The following SYCP1 variants were observed in gnomAD, a reference collection of about 807,000 sequenced individuals.
SYCP1 encodes cancer/testis antigen 8.
In SYCP1, 64 loss-of-function variants were observed where a neutral mutation model predicts 153.1. That is an observed-to-expected ratio of 0.42 (90% CI 0.34 to 0.51). The LOEUF is 0.51. Among genes scored for constraint, SYCP1 ranks in the 20% least tolerant of loss-of-function variants. The probability of loss-of-function intolerance (pLI) is 0.06; values close to 1 mark genes in which losing one functional copy is unlikely to be tolerated. For missense variants in SYCP1, 997 were observed against 1,049.0 expected (o/e 0.95, Z 0.68); for synonymous variants, 384 against 341.8 (o/e 1.12, Z -1.36).
intron 27 of SYCP1, among the ~76,000 whole-genome samples, chr1:114,967,101 T>C (rs1270286613): frequency 1.3e-5 from 2 of 152,202 alleles, no homozygotes; most frequent in East Asian, 3.8e-4. Flanking sequence ...CAATTATGTG[T>C]TCAATTTTAG....
At chr1:114,926,467 T>A (rs1255119280) in intron 22 of SYCP1, 34 bp from the exon 23 acceptor site, 3 of 1,517,164 alleles carry the variant, frequency 2.0e-6, no homozygotes, top group Non-Finnish European at 2.7e-6. Context: ...TGAATAACTT[T>A]AGTACTAAAT....
chr1:114,901,914 A>G (rs1285670626), intron 16 of SYCP1, among the ~76,000 whole-genome samples: 2 of 152,220 alleles, frequency 1.3e-5, no homozygotes, highest in Non-Finnish European at 2.9e-5. Flanking sequence ...CAGGGTGAAG[A>G]GAAAAGGATG....
chr1:114,913,193 A>AGG, intron 19 of SYCP1, 43 bp downstream of exon 19: 1 of 1,502,668 alleles, frequency 6.7e-7, no homozygotes. Flanking sequence ...TTTTCTTCCA[A>AGG]TTAGCAGGTT....
At chr1:114,947,853 C>G (rs960107703) in intron 27 of SYCP1, among the ~76,000 whole-genome samples, 4 of 143,718 alleles carry the variant, frequency 2.8e-5, no homozygotes, top group East Asian at 2.1e-4. Flanking sequence ...GAAAAGGAAC[C>G]CTTTTTTTTC....
intron 27 of SYCP1, among the ~76,000 whole-genome samples, chr1:114,958,658 T>A (rs1374884011): frequency 6.6e-6 from 1 of 151,062 alleles, no homozygotes. Context: ...CGGTGGCCCA[T>A]GCCTGTAATC....
Position 114,911,510 on chromosome 1 carries a change from C to A in SYCP1, c.1457C>A (p.Thr486Asn). 6.4e-7 allele frequency: 1 copy of A among 1,558,022 alleles called. No individual in the cohort carries two copies. Among genetic ancestry groups the A allele is most frequent in the Non-Finnish European group, 8.6e-7 (1 of 1,157,606 alleles). ...KEVHDLEIQL[T>N]AITTSEQYYS... Reference sequence around the variant, plus strand: ...GTACATGATTTGGAAATACAGTTAACTGCCATTACCACAAGTGAACAGTAT... The same window carrying A: ...GTACATGATTTGGAAATACAGTTAAATGCCATTACCACAAGTGAACAGTAT... Residue 486 changes from threonine (T) to asparagine (N), a missense_variant, in exon 18 of 32, where the codon ACT becomes AAT. Thr to Asn is a moderately conservative substitution (Grantham distance 65, BLOSUM62 0). Coordinates refer to ENST00000369522, the MANE Select transcript of SYCP1 (RefSeq NM_003176.4).
intron 27 of SYCP1, among the ~76,000 whole-genome samples, chr1:114,959,987 C>T (rs1298748662): frequency 6.6e-6 from 1 of 152,066 alleles, no homozygotes; most frequent in Non-Finnish European, 1.5e-5. Context: ...ACCCAGTCAT[C>T]AGGTGATGGA....
At chr1:114,963,564 A>T (rs1671914283) in intron 27 of SYCP1, among the ~76,000 whole-genome samples, 1 of 151,452 alleles carries the variant, frequency 6.6e-6, no homozygotes, top group Admixed American at 6.6e-5. Flanking sequence ...TGATGTTCCC[A>T]TCCCTGTGCC....
chr1:114,945,517 C>T (rs1413223677), intron 25 of SYCP1, among the ~76,000 whole-genome samples: 1 of 151,440 alleles, frequency 6.6e-6, no homozygotes, highest in African/African-American at 2.4e-5. Context: ...AAAAAAAAAG[C>T]TGCTGGAATA....
chr1:114,886,432 A>AGAC (rs1666311487), intron 14 of SYCP1, 123 bp downstream of exon 14: 1 of 779,356 alleles, frequency 1.3e-6, no homozygotes, highest in Non-Finnish European at 1.8e-6. Context: ...AACTGTAGTC[A>AGAC]GGTCTCATGT....
intron 20 of SYCP1, among the ~76,000 whole-genome samples, chr1:114,914,447 T>C (rs1306000213): frequency 1.3e-5 from 2 of 152,124 alleles, no homozygotes; most frequent in African/African-American, 4.8e-5. Context: ...TATTTAGGTT[T>C]CTGATTCAGC....
chr1:114,955,209 T>C (rs1461278550), intron 27 of SYCP1, among the ~76,000 whole-genome samples: 1 of 152,212 alleles, frequency 6.6e-6, no homozygotes, highest in Non-Finnish European at 1.5e-5. Context: ...TTACCTTGGT[T>C]GATTTTTTGA....
Position 114,860,964 on chromosome 1 carries a change from C to G in SYCP1, c.598+155C>G, listed in dbSNP as rs1004850290. Among the ~76,000 whole-genome samples, 4 of 152,222 alleles carry G rather than the reference C, an allele frequency of 2.6e-5. No homozygotes were observed. In the East Asian group the frequency reaches 7.7e-4, roughly 29 times the overall value. On this transcript the variant is annotated intron_variant, in intron 8 of 31. Coordinates refer to ENST00000369522, the MANE Select transcript of SYCP1 (RefSeq NM_003176.4). ...TTTTTATATAAGTAATAAGGAGAAT[C>G]ACAGTTCTTTGACTTTTGAAAGCTC...
At chr1:114,990,376 C>T (rs547349655) in intron 30 of SYCP1, among the ~76,000 whole-genome samples, 2 of 151,776 alleles carry the variant, frequency 1.3e-5, no homozygotes, top group South Asian at 4.2e-4. Flanking sequence ...GTTATAAGTG[C>T]CTATTAAGAA....
At chr1:114,967,545 T>C (rs151076776) in intron 27 of SYCP1, among the ~76,000 whole-genome samples, 9,279 of 152,302 alleles carry the variant, frequency 0.061, 321 homozygotes, top group Middle Eastern at 0.14. Flanking sequence ...TAAATATTCC[T>C]CCATCCCTTT....
At chr1:114,966,481 T>C (rs993733035) in intron 27 of SYCP1, among the ~76,000 whole-genome samples, 1 of 152,184 alleles carries the variant, frequency 6.6e-6, no homozygotes, top group African/African-American at 2.4e-5. Flanking sequence ...TGTGGGCATT[T>C]AGTGCTACAA....
rs754687154 is a variant in SYCP1, at chr1:114,913,127, A to G, written c.1624A>G (p.Lys542Glu). The G allele has an allele frequency of 7.5e-6, 12 of 1,609,518 alleles. No individual in the cohort carries two copies. The African/African-American group carries it at 1.5e-4, about 20-fold the overall frequency. ...AACAAGTGATATGACCCTAGAACTC[A>G]AGAATCAGCAAGAAGATATTAATGT... is the stretch of plus-strand genomic sequence containing the variant. ...QETSDMTLEL[K>E]NQQEDINNNK... Residue 542 changes from lysine (K) to glutamate (E), a missense_variant, in exon 19 of 32, where the codon AAG (lysine) becomes GAG (glutamate). Coordinates refer to ENST00000369522, the MANE Select transcript of SYCP1 (RefSeq NM_003176.4).
intron 16 of SYCP1, among the ~76,000 whole-genome samples, chr1:114,905,004 A>G (rs1667722527): frequency 6.6e-6 from 1 of 152,218 alleles, no homozygotes; most frequent in Admixed American, 6.5e-5. Context: ...CAAATATTGA[A>G]TGAACCTTGC....
At chr1:114,948,898 C>G (rs1670916633) in intron 27 of SYCP1, among the ~76,000 whole-genome samples, 1 of 152,148 alleles carries the variant, frequency 6.6e-6, no homozygotes, top group Non-Finnish European at 1.5e-5. Context: ...ACTTTTTACT[C>G]TAGTCAGTAA....
Sources: allele counts gnomAD v4.1 joint callset (sites outside exome capture counted in the v4.1 genomes callset), GRCh38; gene constraint gnomAD v4.1.1; transcripts MANE v1.5; gene names NCBI Gene and HGNC (gene_info 2026-07-23, HGNC 2026-07-21).